The following SLC39A9 variants were observed in gnomAD, a reference collection of about 807,000 sequenced individuals.
The protein encoded by SLC39A9 is zinc transporter ZIP9.
In SLC39A9, 14 loss-of-function variants were observed where a neutral mutation model predicts 28.4. The observed-to-expected ratio is 0.49, with a 90% CI of 0.33 to 0.77. The LOEUF is 0.77. Ranked by LOEUF, SLC39A9 falls within the 30% of genes least tolerant of loss-of-function variation. The pLI, the probability that SLC39A9 is intolerant of heterozygous loss-of-function variation, is 0.02. For missense variants in SLC39A9, 283 were observed against 381.1 expected (o/e 0.74, Z 2.14); for synonymous variants, 119 against 149.6 (o/e 0.80, Z 1.49).
intron 2 of SLC39A9, 125 bp from the exon 3 acceptor site, chr14:69,441,944 A>G (rs974580675): frequency 3.5e-6 from 5 of 1,435,934 alleles, no homozygotes; most frequent in East Asian, 2.5e-5. Context: ...CTGGATTACA[A>G]TATAAAAAGT....
At chr14:69,436,755 C>T (rs1235006013) in intron 2 of SLC39A9, among the ~76,000 whole-genome samples, 1 of 152,078 alleles carries the variant, frequency 6.6e-6, no homozygotes, top group African/African-American at 2.4e-5. Flanking sequence ...GCAAACAGAC[C>T]CCATTTTCCT....
chr14:69,403,858 A>G (rs1268492196), intron 1 of SLC39A9, among the ~76,000 whole-genome samples: 1 of 152,188 alleles, frequency 6.6e-6, no homozygotes, highest in Admixed American at 6.5e-5. Context: ...ACCCTGACCA[A>G]CACGGAGAAA....
chr14:69,449,451 G>A (rs747413559), intron 3 of SLC39A9, among the ~76,000 whole-genome samples: 5 of 152,016 alleles, frequency 3.3e-5, no homozygotes, highest in Non-Finnish European at 7.4e-5. Flanking sequence ...AAAGCGAGAC[G>A]CCGTCTCTAC....
chr14:69,450,988 T>C (rs534655844), intron 3 of SLC39A9, among the ~76,000 whole-genome samples: 21 of 152,368 alleles, frequency 1.4e-4, no homozygotes, highest in Non-Finnish European at 2.9e-4. Flanking sequence ...AAATTTATGC[T>C]AAACTGCAGT....
chr14:69,407,707 C>T (rs189728459), intron 1 of SLC39A9, among the ~76,000 whole-genome samples: 36 of 146,978 alleles, frequency 2.4e-4, no homozygotes, highest in Middle Eastern at 4.2e-3. Context: ...GGCACGATCT[C>T]GGCTCACTGC....
At chr14:69,429,058 T>C (rs1039752033) in intron 2 of SLC39A9, 1 of 152,184 alleles carries the variant, frequency 6.6e-6, no homozygotes, top group Non-Finnish European at 1.5e-5. Context: ...CTGATTTGGC[T>C]CCTTCCAACT....
At chr14:69,453,564 A>C (rs777868156) in intron 4 of SLC39A9, among the ~76,000 whole-genome samples, 3 of 152,126 alleles carry the variant, frequency 2.0e-5, no homozygotes, top group Non-Finnish European at 4.4e-5. Flanking sequence ...AGCACATGAG[A>C]ATTATATAAT....
chr14:69,431,019 A>T (rs1173158964), intron 2 of SLC39A9, among the ~76,000 whole-genome samples: 1 of 152,190 alleles, frequency 6.6e-6, no homozygotes, highest in African/African-American at 2.4e-5. Flanking sequence ...CTATGGAATA[A>T]ATCATGCTGG....
intron 1 of SLC39A9, among the ~76,000 whole-genome samples, chr14:69,412,439 G>A (rs1883327836): frequency 6.9e-6 from 1 of 145,778 alleles, no homozygotes; most frequent in South Asian, 2.2e-4. Flanking sequence ...ATAAATAAAT[G>A]TATCTGCATG....
At chr14:69,424,302 C>A in intron 2 of SLC39A9, 100 bp downstream of exon 2, 2 of 837,068 alleles carry the variant, frequency 2.4e-6, no homozygotes, top group South Asian at 1.5e-5. Context: ...TCATGTTTAC[C>A]ATAGAGTTCT....
chr14:69,404,438 TA>T (rs1882801999), intron 1 of SLC39A9, among the ~76,000 whole-genome samples: 9 of 152,220 alleles, frequency 5.9e-5, no homozygotes, highest in Admixed American at 5.9e-4. Context: ...GAGGTTGAAA[TA>T]ATATAAGCAC....
intron 2 of SLC39A9, among the ~76,000 whole-genome samples, chr14:69,430,428 A>C (rs1884428543): frequency 2.0e-5 from 3 of 152,096 alleles, no homozygotes; most frequent in Non-Finnish European, 2.9e-5. Context: ...TTTGAAAAAA[A>C]ATCCCTTCTC....
At chr14:69,406,904 G>T (rs568129981) in intron 1 of SLC39A9, among the ~76,000 whole-genome samples, 91 of 132,790 alleles carry the variant, frequency 6.9e-4, no homozygotes, top group African/African-American at 2.6e-3. Flanking sequence ...AGGCTGGAGT[G>T]CAGTGGCGTG....
At chr14:69,449,660 C>T (rs376564769) in intron 3 of SLC39A9, among the ~76,000 whole-genome samples, 14 of 152,216 alleles carry the variant, frequency 9.2e-5, no homozygotes, top group Middle Eastern at 3.4e-3. Flanking sequence ...CAAGGATGGT[C>T]GAATTTCACA....
chr14:69,407,867 A>C (rs1883030103), intron 1 of SLC39A9, among the ~76,000 whole-genome samples: 1 of 130,892 alleles, frequency 7.6e-6, no homozygotes, highest in South Asian at 2.4e-4. Flanking sequence ...TGAACTCCCG[A>C]CCTCAGGTGA....
At chr14:69,451,660 A>T (rs1437447802) in intron 3 of SLC39A9, among the ~76,000 whole-genome samples, 1 of 152,220 alleles carries the variant, frequency 6.6e-6, no homozygotes, top group Non-Finnish European at 1.5e-5. Context: ...GCCTGCATAG[A>T]TCACTAGGTC....
chr14:69,402,487 G>C (rs754595938), intron 1 of SLC39A9, among the ~76,000 whole-genome samples: 2 of 151,954 alleles, frequency 1.3e-5, no homozygotes, highest in Admixed American at 1.3e-4. Flanking sequence ...ATTTAAAAAC[G>C]AGTTAAAATT....
intron 2 of SLC39A9, among the ~76,000 whole-genome samples, chr14:69,426,490 C>A (rs1003274250): frequency 6.6e-6 from 1 of 152,144 alleles, no homozygotes; most frequent in Admixed American, 6.5e-5. Flanking sequence ...AGCTTCTGAC[C>A]CTGTGGAGTT....
chr14:69,454,792 T>A lies in SLC39A9; in HGVS notation c.473-20T>A. The A allele has an allele frequency of 6.2e-7, 1 of 1,604,282 alleles. No homozygotes were observed. The highest frequency in any genetic ancestry group is 1.3e-5 in the African/African-American group (1 of 74,850). ...TGTTGTTGTTTATAGTATTTTATGT[T>A]TCCTTGTTTCCAAATATAGCTGATG... On this transcript the variant is annotated intron_variant, in intron 4 of 6. Coordinates refer to ENST00000336643, the MANE Select transcript of SLC39A9 (RefSeq NM_018375.5).
Sources: allele counts gnomAD v4.1 joint callset (sites outside exome capture counted in the v4.1 genomes callset), GRCh38; gene constraint gnomAD v4.1.1; transcripts MANE v1.5; gene names NCBI Gene and HGNC (gene_info 2026-07-23, HGNC 2026-07-21).